SYT1: variants seen among roughly 807,000 people sequenced by gnomAD.
SYT1 encodes the protein synaptotagmin-1.
In SYT1, 8 loss-of-function variants were observed where a neutral mutation model predicts 44.8. The observed-to-expected ratio is 0.18, with a 90% CI of 0.10 to 0.32. SYT1 has a LOEUF of 0.32. Among genes scored for constraint, SYT1 ranks in the 10% least tolerant of loss-of-function variants. The pLI, the probability that SYT1 is intolerant of heterozygous loss-of-function variation, is 1.00. For synonymous variants in SYT1, 154 were observed against 188.8 expected (o/e 0.82, Z 1.51); for missense variants, 286 against 509.3 (o/e 0.56, Z 4.22).
intron 3 of SYT1, among the ~76,000 whole-genome samples, chr12:79,167,507 A>T (rs775990760): frequency 2.6e-5 from 4 of 152,034 alleles, no homozygotes; most frequent in Non-Finnish European, 4.4e-5. Flanking sequence ...AAGCTTATAT[A>T]CTTGAGAAAC....
intron 4 of SYT1, among the ~76,000 whole-genome samples, chr12:79,226,672 T>TAC (rs1875538747): frequency 1.3e-5 from 2 of 152,122 alleles, no homozygotes; most frequent in African/African-American, 4.8e-5. Flanking sequence ...GCATCATAAA[T>TAC]AAAAGCCATG....
At chr12:78,906,974 T>G (rs1242631868) in intron 1 of SYT1, among the ~76,000 whole-genome samples, 1 of 152,146 alleles carries the variant, frequency 6.6e-6, no homozygotes, top group African/African-American at 2.4e-5. Context: ...CTGCTATAAC[T>G]TTTGATGTAA....
At chr12:79,373,957 A>G (rs1396544499) in intron 9 of SYT1, among the ~76,000 whole-genome samples, 1 of 152,348 alleles carries the variant, frequency 6.6e-6, no homozygotes, top group African/African-American at 2.4e-5. Flanking sequence ...TGTGAAGAGT[A>G]GTTTGGTTAC....
At chr12:79,391,669 G>C (rs180910892) in intron 9 of SYT1, among the ~76,000 whole-genome samples, 1 of 152,140 alleles carries the variant, frequency 6.6e-6, no homozygotes, top group African/African-American at 2.4e-5. Flanking sequence ...CATTGAAATA[G>C]AATTTTTAGT....
At chr12:78,979,396 C>A (rs566191251) in intron 2 of SYT1, among the ~76,000 whole-genome samples, 6 of 152,158 alleles carry the variant, frequency 3.9e-5, no homozygotes, top group African/African-American at 1.4e-4. Context: ...AATACATGTT[C>A]TGAGTTCCAT....
At chr12:78,939,778 T>C (rs1878253179) in intron 1 of SYT1, among the ~76,000 whole-genome samples, 2 of 152,194 alleles carry the variant, frequency 1.3e-5, no homozygotes, top group Admixed American at 6.5e-5. Flanking sequence ...TGAAACTATC[T>C]TCTACAGTCT....
chr12:78,866,386 G>C (rs1038531447), intron 1 of SYT1, among the ~76,000 whole-genome samples: 1 of 152,170 alleles, frequency 6.6e-6, no homozygotes, highest in East Asian at 1.9e-4. Flanking sequence ...AGAAAGTAAT[G>C]CTAGAAAGAT....
chr12:78,930,199 G>A (rs1877557521), intron 1 of SYT1, among the ~76,000 whole-genome samples: 1 of 152,108 alleles, frequency 6.6e-6, no homozygotes, highest in African/African-American at 2.4e-5. Flanking sequence ...TTGCTGAGGT[G>A]ATGAATACAT....
chr12:79,073,461 GT>G (rs1876424163), intron 3 of SYT1, among the ~76,000 whole-genome samples: 2 of 152,244 alleles, frequency 1.3e-5, no homozygotes, highest in South Asian at 2.1e-4. Context: ...AATTCGGAAT[GT>G]TGTGAGGAGT....
intron 1 of SYT1, among the ~76,000 whole-genome samples, chr12:78,872,376 G>A (rs990445064): frequency 6.6e-6 from 1 of 151,752 alleles, no homozygotes; most frequent in African/African-American, 2.4e-5. Context: ...GTTCTTTTAT[G>A]CCTTTGAGAA....
intron 3 of SYT1, among the ~76,000 whole-genome samples, chr12:79,108,950 AC>A (rs1878865512): frequency 6.6e-6 from 1 of 152,172 alleles, no homozygotes; most frequent in Admixed American, 6.5e-5. Context: ...CGTTGCGGGA[AC>A]TTTTCCTTAG....
At chr12:78,970,731 G>A (rs982945848) in intron 1 of SYT1, among the ~76,000 whole-genome samples, 58 of 152,234 alleles carry the variant, frequency 3.8e-4, no homozygotes, top group Non-Finnish European at 1.8e-4. Context: ...GCAGATCAAA[G>A]ACATCACTGA....
intron 1 of SYT1, among the ~76,000 whole-genome samples, chr12:78,883,992 AAAT>A (rs1426003570): frequency 1.3e-5 from 2 of 150,566 alleles, no homozygotes; most frequent in East Asian, 3.9e-4. Context: ...ATAATTTTCT[AAAT>A]AAAAAATTAT....
chr12:79,082,288 G>A (rs1481495150), intron 3 of SYT1, among the ~76,000 whole-genome samples: 1 of 152,122 alleles, frequency 6.6e-6, no homozygotes, highest in Non-Finnish European at 1.5e-5. Flanking sequence ...AAGGCTTAGA[G>A]ACCCATCTCC....
At chr12:78,904,506 C>T (rs1875849459) in intron 1 of SYT1, among the ~76,000 whole-genome samples, 1 of 152,132 alleles carries the variant, frequency 6.6e-6, no homozygotes, top group South Asian at 2.1e-4. Context: ...CTCGACCTAA[C>T]TCTGCCCAAG....
intron 3 of SYT1, among the ~76,000 whole-genome samples, chr12:79,203,255 G>A (rs569573725): frequency 3.3e-5 from 5 of 152,102 alleles, no homozygotes; most frequent in African/African-American, 7.2e-5. Context: ...GCTGCTCAAC[G>A]GCATTGTGAG....
At chr12:79,153,171 CAT>C (rs111938460) in intron 3 of SYT1, among the ~76,000 whole-genome samples, 34 of 152,200 alleles carry the variant, frequency 2.2e-4, no homozygotes, top group African/African-American at 8.2e-4. Context: ...TAGCCCAAGA[CAT>C]AGGTATTTCC....
At chr12:79,166,950 T>C (rs901305011) in intron 3 of SYT1, among the ~76,000 whole-genome samples, 1 of 152,104 alleles carries the variant, frequency 6.6e-6, no homozygotes, top group African/African-American at 2.4e-5. Flanking sequence ...AGTGCTGTTT[T>C]GTAAATCACC....
chr12:78,921,829 C>T (rs991491131), intron 1 of SYT1, among the ~76,000 whole-genome samples: 2 of 151,638 alleles, frequency 1.3e-5, no homozygotes, highest in Non-Finnish European at 2.9e-5. Flanking sequence ...TGCAGAGACA[C>T]GGGTGAGAGA....
Sources: gnomAD v4.1 joint callset for allele counts (sites outside exome capture counted in the v4.1 genomes callset) on GRCh38, gnomAD v4.1.1 for gene constraint, MANE v1.5 for transcripts, NCBI Gene and HGNC (gene_info 2026-07-23, HGNC 2026-07-21) for gene names.